NBEA: variants seen among roughly 807,000 people sequenced by gnomAD.
NBEA encodes lysosomal-trafficking regulator 2.
In NBEA, 44 loss-of-function variants were observed where a neutral mutation model predicts 343.4. The observed-to-expected ratio is 0.13, with a 90% CI of 0.10 to 0.16. NBEA has a LOEUF of 0.16. Ranked by LOEUF, NBEA falls within the 10% of genes least tolerant of loss-of-function variation. The pLI, the probability that NBEA is intolerant of heterozygous loss-of-function variation, is 1.00. For synonymous variants in NBEA, 1,175 were observed against 1,238.7 expected, an observed-to-expected ratio of 0.95 and a Z score of 1.08; for missense variants, 2,555 against 3,631.3, an observed-to-expected ratio of 0.70 and a Z score of 7.62.
chr13:35,084,830 C>T (rs1049104284), intron 10 of NBEA, among the ~76,000 whole-genome samples: 30 of 151,618 alleles, frequency 2.0e-4, no homozygotes, highest in African/African-American at 4.9e-4. Context: ...ATTGATAGAC[C>T]GCTAGCAAGA....
rs1272427187 is a variant in NBEA, at chr13:35,158,987, C to T, written c.2845-29C>T. The stretch of plus-strand genomic sequence containing the variant: ...TTTTCTTTTTGATATGTACAAAATG[C>T]CTTAATGTTTTCTTTACTTATTCCT... On this transcript the variant is annotated intron_variant, in intron 21 of 58. Transcript: ENST00000379939. 4.0e-6 allele frequency: 6 copies of T among 1,516,830 alleles called. No homozygotes were observed. In the Middle Eastern group the frequency reaches 7.1e-4, roughly 179 times the overall value. The allele number at this position is 1,516,830 out of a possible 1,614,324, so 94.0% of individuals were successfully genotyped here.
intron 1 of NBEA, among the ~76,000 whole-genome samples, chr13:34,953,442 CAA>C (rs1302465716): frequency 1.3e-5 from 2 of 152,056 alleles, no homozygotes; most frequent in Admixed American, 6.6e-5. Flanking sequence ...TTACATTTCT[CAA>C]GTCATCATAT....
chr13:35,651,990 A>G (rs2084546496), intron 53 of NBEA, 114 bp downstream of exon 53: 3 of 670,808 alleles, frequency 4.5e-6, no homozygotes, highest in Admixed American at 2.5e-5. Flanking sequence ...TAAAATGCTA[A>G]TAATATCAAA....
chr13:35,562,252 T>C (rs939366041), intron 44 of NBEA, among the ~76,000 whole-genome samples: 22 of 152,100 alleles, frequency 1.4e-4, no homozygotes, highest in Non-Finnish European at 2.9e-4. Flanking sequence ...TGTAAAATAA[T>C]CTTAATGATA....
In NBEA at chr13:35,352,313, G is replaced by C; in HGVS notation, c.6169G>C (p.Val2057Leu). 1 of 1,484,008 alleles carries C rather than the reference G, an allele frequency of 6.7e-7. No homozygotes were observed. Among genetic ancestry groups the C allele is most frequent in the Non-Finnish European group, 9.0e-7 (1 of 1,106,364 alleles). The allele number at this position is 1,484,008 out of a possible 1,614,324, so 91.9% of individuals were successfully genotyped here. ...LTNKHGAWGA[V>L]SHSQLHDFWR... is the part of the protein sequence containing the mutation. ...AAATAAACATGGTGCTTGGGGAGCA[G>C]TTTCTCATAGGTGAGTTATAATAAA... The change falls in exon 38 of 59, where the codon GTT (valine) becomes CTT (leucine). Residue 2057 changes from valine (V) to leucine (L), a missense_variant. Val to Leu is a conservative substitution (Grantham distance 32). Transcript: ENST00000379939.
At chr13:35,204,199 G>C (rs1263202969) in intron 31 of NBEA, among the ~76,000 whole-genome samples, 1 of 152,140 alleles carries the variant, frequency 6.6e-6, no homozygotes, top group African/African-American at 2.4e-5. Flanking sequence ...ACTGTGAACT[G>C]TGCATGTGAG....
intron 1 of NBEA, among the ~76,000 whole-genome samples, chr13:34,976,243 A>G (rs1163429688): frequency 6.6e-6 from 1 of 152,214 alleles, no homozygotes; most frequent in Non-Finnish European, 1.5e-5. Context: ...CTACTCAGCC[A>G]TAAAAAGGAA....
intron 41 of NBEA, among the ~76,000 whole-genome samples, chr13:35,486,906 A>G (rs1256398098): frequency 6.6e-6 from 1 of 152,010 alleles, no homozygotes; most frequent in East Asian, 1.9e-4. Flanking sequence ...CACCTAGATA[A>G]CCACTTCATT....
intron 33 of NBEA, among the ~76,000 whole-genome samples, chr13:35,221,141 C>T (rs760053917): frequency 5.3e-5 from 8 of 151,924 alleles, no homozygotes; most frequent in African/African-American, 9.7e-5. Context: ...GTCAGGAGTT[C>T]GAGACCAGCC....
Position 35,196,218 on chromosome 13 carries a change from G to T in NBEA, c.5282G>T (p.Gly1761Val), listed in dbSNP as rs536468942. ...VAAPVEIAEC[G>V]PEPIPYPDPA... Reference sequence around the variant, plus strand: ...GCTCCAGTTGAAATAGCAGAATGTGGCCCTGAACCTATCCCATACCCAGAT... The same window carrying T: ...GCTCCAGTTGAAATAGCAGAATGTGTCCCTGAACCTATCCCATACCCAGAT... The change falls in exon 31 of 59, where the codon GGC becomes GTC. Residue 1761 changes from glycine (G) to valine (V), a missense_variant. Transcript: ENST00000379939. 2.5e-6 allele frequency: 4 copies of T among 1,613,588 alleles called. No homozygotes were observed. The African/African-American group carries it at 5.3e-5, about 22-fold the overall frequency.
chr13:35,058,091 A>G (rs2152567176), intron 7 of NBEA, among the ~76,000 whole-genome samples: 1 of 152,226 alleles, frequency 6.6e-6, no homozygotes, highest in East Asian at 1.9e-4. Flanking sequence ...GGAAAGATCA[A>G]GCTTTTGGCT....
chr13:35,553,197 A>G (rs578079202), intron 43 of NBEA, among the ~76,000 whole-genome samples: 11 of 152,278 alleles, frequency 7.2e-5, no homozygotes, highest in African/African-American at 2.6e-4. Context: ...CAGCTGGAAG[A>G]TGATTCTTTA....
chr13:35,661,922 G>A (rs180700752), intron 55 of NBEA, among the ~76,000 whole-genome samples: 30 of 152,170 alleles, frequency 2.0e-4, no homozygotes, highest in Non-Finnish European at 3.1e-4. Context: ...ACTGTGCAGC[G>A]GAGGTCTTAG....
At chr13:35,202,396 A>G (rs1209585212) in intron 31 of NBEA, among the ~76,000 whole-genome samples, 1 of 152,190 alleles carries the variant, frequency 6.6e-6, no homozygotes, top group Non-Finnish European at 1.5e-5. Context: ...TTAGTGCTCA[A>G]ACAGTAGAAG....
At chr13:35,390,479 T>C (rs1301555926) in intron 38 of NBEA, among the ~76,000 whole-genome samples, 3 of 152,204 alleles carry the variant, frequency 2.0e-5, no homozygotes, top group Non-Finnish European at 4.4e-5. Flanking sequence ...TTTGCTAAAA[T>C]ACTTGAATAA....
chr13:35,484,983 C>T (rs949321655), intron 41 of NBEA, among the ~76,000 whole-genome samples: 3 of 152,000 alleles, frequency 2.0e-5, no homozygotes, highest in African/African-American at 7.2e-5. Context: ...ATATTTATAA[C>T]ATTTTAAAGT....
intron 10 of NBEA, among the ~76,000 whole-genome samples, chr13:35,096,509 A>G (rs927114968): frequency 2.0e-5 from 3 of 151,872 alleles, no homozygotes; most frequent in Non-Finnish European, 4.4e-5. Flanking sequence ...GCAATTTTAC[A>G]TGGTTCTATA....
chr13:35,458,415 A>G (rs1317404302), intron 40 of NBEA, among the ~76,000 whole-genome samples: 1 of 152,182 alleles, frequency 6.6e-6, no homozygotes, highest in African/African-American at 2.4e-5. Flanking sequence ...TCCTAACGCA[A>G]TTATTTGCCC....
intron 33 of NBEA, among the ~76,000 whole-genome samples, chr13:35,215,181 A>G (rs1156289769): frequency 6.6e-6 from 1 of 151,752 alleles, no homozygotes; most frequent in Non-Finnish European, 1.5e-5. Context: ...CAACAAAAAA[A>G]GAAATTCTGC....
Sources: gnomAD v4.1 joint callset for allele counts (sites outside exome capture counted in the v4.1 genomes callset) on GRCh38, gnomAD v4.1.1 for gene constraint, MANE v1.5 for transcripts, NCBI Gene and HGNC (gene_info 2026-07-23, HGNC 2026-07-21) for gene names.